Variants in TNRC6B observed in about 807,000 individuals in gnomAD.
TNRC6B encodes the protein trinucleotide repeat containing adaptor 6B.
Under a neutral mutation model 203.6 loss-of-function variants are expected in TNRC6B, and 52 were observed. The ratio of observed to expected loss-of-function variants is 0.26; its 90% CI spans 0.20 to 0.32. The LOEUF (loss-of-function observed/expected upper bound fraction) is 0.32. TNRC6B is among the 10% of genes least tolerant of loss of function. The probability of loss-of-function intolerance (pLI) is 1.00; values close to 1 mark genes in which losing one functional copy is unlikely to be tolerated. For missense variants in TNRC6B, 1,923 were observed against 2,286.2 expected (o/e 0.84, Z 3.24); for synonymous variants, 838 against 845.7 (o/e 0.99, Z 0.16).
At chr22:40,212,647 T>C (rs2069580670) in intron 1 of TNRC6B, among the ~76,000 whole-genome samples, 1 of 152,126 alleles carries the variant, frequency 6.6e-6, no homozygotes, top group African/African-American at 2.4e-5. Flanking sequence ...TCTTTTTTGT[T>C]TGTTTGTTTT....
intron 1 of TNRC6B, among the ~76,000 whole-genome samples, chr22:40,077,302 C>T (rs566933310): frequency 4.4e-4 from 67 of 152,284 alleles, no homozygotes; most frequent in Middle Eastern, 3.4e-3. Context: ...TTCAAGGACT[C>T]ACCTCTTTGG....
chr22:40,320,251 G>A lies in TNRC6B; in HGVS notation c.4975-839G>A, dbSNP rs140546901. Among the ~76,000 whole-genome samples, 340 of 152,302 alleles carry A rather than the reference G, an allele frequency of 2.2e-3. 1 individual carries two copies. The highest frequency in any genetic ancestry group is 7.6e-3 in the African/African-American group (317 of 41,566). ...AATCCCAGCACTTTGGGAGGCTGAG[G>A]CGAGTGGATCACAAGGTCAGGAGAT... On this transcript the variant is annotated intron_variant, in intron 21 of 22. Transcript: ENST00000454349.
At chr22:40,250,266 C>T (rs1288321411) in intron 2 of TNRC6B, among the ~76,000 whole-genome samples, 1 of 152,204 alleles carries the variant, frequency 6.6e-6, no homozygotes, top group African/African-American at 2.4e-5. Flanking sequence ...GCTTGTGCAT[C>T]ACCTTTGTGG....
intron 3 of TNRC6B, among the ~76,000 whole-genome samples, chr22:40,137,160 TAA>T (rs1421566314): frequency 6.6e-6 from 1 of 152,242 alleles, no homozygotes; most frequent in African/African-American, 2.4e-5. Flanking sequence ...ACCCATTGTT[TAA>T]TAAAGTCTTT....
At chr22:40,166,373 G>T (rs548982637) in intron 4 of TNRC6B, among the ~76,000 whole-genome samples, 23 of 150,110 alleles carry the variant, frequency 1.5e-4, no homozygotes, top group African/African-American at 5.4e-4. Flanking sequence ...GTATTAATTG[G>T]TTGCCTAACA....
intron 1 of TNRC6B, among the ~76,000 whole-genome samples, chr22:40,184,316 G>A (rs1239466851): frequency 6.6e-6 from 1 of 152,082 alleles, no homozygotes; most frequent in African/African-American, 2.4e-5. Flanking sequence ...TAAAAAGGGT[G>A]GACACCTAGA....
intron 3 of TNRC6B, among the ~76,000 whole-genome samples, chr22:40,138,558 G>A (rs987107101): frequency 1.3e-5 from 2 of 152,172 alleles, no homozygotes; most frequent in African/African-American, 2.4e-5. Flanking sequence ...GAGCCACCAC[G>A]CCTGGCCTGT....
At chr22:40,271,859 C>T (rs771856230) in intron 6 of TNRC6B, among the ~76,000 whole-genome samples, 1 of 152,226 alleles carries the variant, frequency 6.6e-6, no homozygotes, top group Non-Finnish European at 1.5e-5. Context: ...CCATCATAGT[C>T]TACCAGTTGA....
At chr22:40,066,981 A>G (rs1461820552) in intron 1 of TNRC6B, among the ~76,000 whole-genome samples, 3 of 150,770 alleles carry the variant, frequency 2.0e-5, no homozygotes, top group South Asian at 4.2e-4. Flanking sequence ...TCATCTCACT[A>G]CAACTTCAAC....
intron 3 of TNRC6B, among the ~76,000 whole-genome samples, chr22:40,132,947 A>AATAAAAAAT (rs1382639444): frequency 1.9e-4 from 13 of 69,946 alleles, no homozygotes; most frequent in Non-Finnish European, 2.8e-4. Context: ...CTGTCTCAAA[A>AATAAAAAAT]AAAAAAAAAA....
At chr22:40,092,029 T>C (rs947625988) in intron 1 of TNRC6B, among the ~76,000 whole-genome samples, 2 of 152,134 alleles carry the variant, frequency 1.3e-5, no homozygotes, top group African/African-American at 2.4e-5. Context: ...AATAAAATTA[T>C]TCAGAAGTCG....
Position 40,265,395 on chromosome 22 carries a change from A to G in TNRC6B, c.1165A>G (p.Met389Val), listed in dbSNP as rs371804419. Residue 389 changes from methionine (M) to valine (V), a missense_variant, in exon 5 of 23, where the codon ATG (methionine) becomes GTG (valine). Transcript: ENST00000454349. Reference sequence around the variant, plus strand: ...CTTGAACTTAAGTTCACCAAACCCCATGGAGAATAAGGGAATGCCCTTTGG... The same window carrying G: ...CTTGAACTTAAGTTCACCAAACCCCGTGGAGAATAAGGGAATGCCCTTTGG... The part of the protein sequence containing the change: ...NSLNLSSPNP[M>V]ENKGMPFGMG... 8.7e-6 allele frequency: 14 copies of G among 1,613,868 alleles called. No individual in the cohort carries two copies. The highest frequency in any genetic ancestry group is 5.3e-5 in the African/African-American group (4 of 74,916).
rs528719143 is a variant in TNRC6B at position 40,114,120 on chromosome 22, T to C, written c.-120-2935T>C. On this transcript the variant is annotated intron_variant, in intron 1 of 23. Coordinates refer to the TNRC6B transcript ENST00000301923. ...AATTTTTAAAATGAGAATTTAAATGTAAAATAATTGTGCTGAATAGTCAAG... is the reference window on the plus strand; with the variant it reads ...AATTTTTAAAATGAGAATTTAAATGCAAAATAATTGTGCTGAATAGTCAAG... Among the ~76,000 whole-genome samples the C allele has an allele frequency of 2.0e-5, 3 of 152,258 alleles. No homozygotes were observed. In the South Asian group the frequency reaches 6.2e-4, roughly 32 times the overall value.
intron 12 of TNRC6B, among the ~76,000 whole-genome samples, chr22:40,291,117 G>A (rs2146534884): frequency 6.6e-6 from 1 of 152,306 alleles, no homozygotes; most frequent in East Asian, 1.9e-4. Context: ...CAGGCACGGT[G>A]GTTTACTCCT....
upstream of TNRC6B, among the ~76,000 whole-genome samples, chr22:40,173,564 C>G (rs896252214): frequency 6.6e-6 from 1 of 150,670 alleles, no homozygotes; most frequent in Non-Finnish European, 1.5e-5. Flanking sequence ...AGGCATACCC[C>G]ACCAAGCCTG....
At chr22:40,191,556 G>A (rs1353438076) in intron 1 of TNRC6B, among the ~76,000 whole-genome samples, 1 of 152,056 alleles carries the variant, frequency 6.6e-6, no homozygotes, top group Non-Finnish European at 1.5e-5. Context: ...AGTTTGATTG[G>A]TTTTGTATTC....
intron 1 of TNRC6B, among the ~76,000 whole-genome samples, chr22:40,191,040 G>A (rs1315818204): frequency 1.3e-5 from 2 of 152,190 alleles, no homozygotes; most frequent in Non-Finnish European, 2.9e-5. Context: ...TAAAGACGAC[G>A]CTTCGGAATC....
intron 2 of TNRC6B, among the ~76,000 whole-genome samples, chr22:40,124,810 C>G (rs1159066109): frequency 2.0e-5 from 3 of 151,868 alleles, no homozygotes; most frequent in East Asian, 3.9e-4. Flanking sequence ...GTCAGGAGTT[C>G]AAGACCAGTC....
intron 8 of TNRC6B, 68 bp from the exon 9 acceptor site, chr22:40,277,931 A>G: frequency 8.0e-7 from 1 of 1,255,846 alleles, no homozygotes; most frequent in Non-Finnish European, 1.1e-6. Flanking sequence ...TCTCAGGTGA[A>G]TAATGCCACT....
Sources: gnomAD v4.1 joint callset for allele counts (sites outside exome capture counted in the v4.1 genomes callset) on GRCh38, gnomAD v4.1.1 for gene constraint, MANE v1.5 for transcripts, NCBI Gene and HGNC (gene_info 2026-07-23, HGNC 2026-07-21) for gene names.